NRK: variants seen among roughly 807,000 people sequenced by gnomAD.
NRK encodes the protein Nik related kinase, also known as nik-related protein kinase.
A neutral mutation model predicts 125.2 loss-of-function variants in NRK; 67 were observed. That is an observed-to-expected ratio of 0.54 (90% CI 0.44 to 0.66). The LOEUF is 0.66. Ranked by LOEUF, NRK falls within the 30% of genes least tolerant of loss-of-function variation. The probability of loss-of-function intolerance (pLI) is 0.00; values close to 1 mark genes in which losing one functional copy is unlikely to be tolerated. For synonymous variants in NRK, 458 were observed against 429.0 expected, an observed-to-expected ratio of 1.07 and a Z score of -0.84; for missense variants, 1,224 against 1,192.9, an observed-to-expected ratio of 1.03 and a Z score of -0.38.
Position 105,924,860 on chromosome X carries a change from A to C in NRK, c.3141A>C (p.Ala1047=). The part of the protein sequence containing the change: ...NAAIGDQEEH[A]ANIGSERRGS... ...CCATTGGAGATCAGGAAGAACATGC[A>C]GCCAATATAGGCAGTGAAAGAAGAG... The change falls in exon 19 of 29, where the codon GCA becomes GCC. Residue 1047 remains alanine, a synonymous_variant. Coordinates refer to ENST00000243300, the MANE Select transcript of NRK (RefSeq NM_198465.4). The C allele has an allele frequency of 8.3e-7, 1 of 1,211,250 alleles. No homozygotes were observed. The highest frequency in any genetic ancestry group is 1.1e-6 in the Non-Finnish European group (1 of 895,224).
intron 4 of NRK, among the ~76,000 whole-genome samples, chrX:105,883,036 C>T (rs993664990): frequency 5.4e-5 from 6 of 112,019 alleles, no homozygotes; most frequent in African/African-American, 9.7e-5. Context: ...CTTGACAAAA[C>T]GCAGGGTATT....
chrX:105,946,573 C>T (rs189702817), intron 26 of NRK, 109 bp downstream of exon 26: 37 of 557,469 alleles, frequency 6.6e-5, no homozygotes, highest in South Asian at 3.9e-4. Context: ...ATGTCTATAC[C>T]GGAACTGAGA....
intron 21 of NRK, among the ~76,000 whole-genome samples, chrX:105,936,052 T>C (rs1168997899): frequency 9.1e-6 from 1 of 110,386 alleles, no homozygotes; most frequent in East Asian, 2.8e-4. Flanking sequence ...TATAACCACA[T>C]TGGCAATGCT....
rs2040459785 is a variant in NRK at position 105,922,132 on chromosome X, C to G, written c.2610+71C>G. Reference sequence around the variant, plus strand: ...CCATTTATTTTGACTTACACATTCTCATATTCACTTGAGGGAAAGGTTAAA... The same window carrying G: ...CCATTTATTTTGACTTACACATTCTGATATTCACTTGAGGGAAAGGTTAAA... On this transcript the variant is annotated intron_variant, in intron 17 of 28. Transcript: ENST00000243300. 1.0e-5 allele frequency: 5 copies of G among 496,572 alleles called. No homozygotes were observed. The South Asian group carries it at 2.0e-4, about 19-fold the overall frequency. 40.9% of individuals were successfully genotyped at this position (496,572 alleles called of 1,213,427 possible). A position where few individuals can be genotyped will look rare whatever the true frequency, so the allele number is the denominator to read the frequency against.
intron 2 of NRK, among the ~76,000 whole-genome samples, chrX:105,869,559 T>C (rs2039716040): frequency 9.0e-6 from 1 of 111,684 alleles, no homozygotes; most frequent in East Asian, 2.8e-4. Context: ...CTTTGAGTAC[T>C]ACTAGTTACT....
At chrX:105,909,934 A>G in intron 13 of NRK, 52 bp downstream of exon 13, 1 of 1,013,416 alleles carries the variant, frequency 9.9e-7, no homozygotes. Context: ...AGAAAATGTG[A>G]TAGCTCATGC....
intron 2 of NRK, among the ~76,000 whole-genome samples, chrX:105,832,201 G>C (rs189521206): frequency 3.3e-4 from 37 of 111,280 alleles, no homozygotes; most frequent in Admixed American, 3.1e-3. Context: ...AAATGTCAGT[G>C]TTGATCTCCC....
intron 4 of NRK, among the ~76,000 whole-genome samples, chrX:105,882,866 A>C (rs2039901722): frequency 8.9e-6 from 1 of 112,119 alleles, no homozygotes; most frequent in Non-Finnish European, 1.9e-5. Flanking sequence ...AAATATGATT[A>C]TTTTATTAAT....
chrX:105,903,322 A>T (rs1047804545), intron 9 of NRK, among the ~76,000 whole-genome samples: 1 of 111,046 alleles, frequency 9.0e-6, no homozygotes, highest in African/African-American at 3.3e-5. Context: ...TATCCCTTGT[A>T]GTGTCACTCT....
At chrX:105,946,486 C>G in intron 26 of NRK, 22 bp downstream of exon 26, 1 of 1,113,939 alleles carries the variant, frequency 9.0e-7, no homozygotes. Context: ...CCTTCAGATT[C>G]CTAGAAATTA....
chrX:105,847,657 G>T (rs2039419627), intron 2 of NRK, among the ~76,000 whole-genome samples: 1 of 112,120 alleles, frequency 8.9e-6, no homozygotes, highest in Non-Finnish European at 1.9e-5. Flanking sequence ...TTTGACAAGA[G>T]CCCTGACCAG....
chrX:105,932,407 A>G lies in NRK; in HGVS notation c.3313-1851A>G, dbSNP rs918432234. 2.7e-5 allele frequency among the ~76,000 whole-genome samples: 3 copies of G among 112,354 alleles called. No individual in the cohort carries two copies. The Admixed American group carries it at 2.8e-4, about 11-fold the overall frequency. On this transcript the variant is annotated intron_variant, in intron 19 of 28. Coordinates refer to ENST00000243300, the MANE Select transcript of NRK (RefSeq NM_198465.4). The stretch of plus-strand genomic sequence containing the variant: ...TGCTTAACTTCTTGAGCAACTGATA[A>G]CATAAAATTTTAATTCAAGAAATAT...
intron 19 of NRK, among the ~76,000 whole-genome samples, chrX:105,927,329 G>T (rs776254806): frequency 9.0e-6 from 1 of 111,511 alleles, no homozygotes; most frequent in African/African-American, 3.2e-5. Flanking sequence ...TGCTGATTTT[G>T]TATCTTGCAA....
chrX:105,899,495 A>G (rs1046321119), intron 8 of NRK, among the ~76,000 whole-genome samples: 1 of 111,788 alleles, frequency 8.9e-6, no homozygotes, highest in Non-Finnish European at 1.9e-5. Context: ...CTGAGAGTCT[A>G]TTATGTTCGG....
intron 14 of NRK, among the ~76,000 whole-genome samples, chrX:105,914,276 A>G (rs1231863079): frequency 9.0e-6 from 1 of 110,996 alleles, no homozygotes; most frequent in Non-Finnish European, 1.9e-5. Context: ...TATAAGTACT[A>G]ACCACTGGCA....
At chrX:105,906,316 T>G (rs1474893712) in intron 10 of NRK, 98 bp from the exon 11 acceptor site, 9 of 415,001 alleles carry the variant, frequency 2.2e-5, no homozygotes, top group Non-Finnish European at 3.6e-5. Context: ...GGCAACTCTC[T>G]CCAAATATGA....
At chrX:105,888,157 TTGAGA>T (rs1329173477) in intron 4 of NRK, 132 bp from the exon 5 acceptor site, 1 of 464,531 alleles carries the variant, frequency 2.2e-6, no homozygotes, top group African/African-American at 2.6e-5. Context: ...ACCATTTTAG[TTGAGA>T]TTTTATTATA....
At chrX:105,832,346 T>A (rs1442916523) in intron 2 of NRK, among the ~76,000 whole-genome samples, 1 of 111,311 alleles carries the variant, frequency 9.0e-6, no homozygotes, top group Non-Finnish European at 1.9e-5. Context: ...AAGGGCTGGT[T>A]TGGGGATGGG....
At position 105,826,357 on chromosome X, in the gene NRK, T is replaced by C. The variant is rs771341603; in HGVS notation, c.57+3455T>C. ...TAGATAATATATAGTATATACATTATATATAATATATTATATATATTATCA... is the reference window on the plus strand; with the variant it reads ...TAGATAATATATAGTATATACATTACATATAATATATTATATATATTATCA... On this transcript the variant is annotated intron_variant, in intron 1 of 28. Transcript: ENST00000243300. Among the ~76,000 whole-genome samples, 14 of 83,289 alleles carry C rather than the reference T, an allele frequency of 1.7e-4. No individual in the cohort carries two copies. In the South Asian group the frequency reaches 5.6e-3, roughly 33 times the overall value. 72.3% of individuals were successfully genotyped at this position (83,289 alleles called of 115,157 possible). A position where few individuals can be genotyped will look rare whatever the true frequency, so the allele number is the denominator to read the frequency against.
Sources: allele counts gnomAD v4.1 joint callset (sites outside exome capture counted in the v4.1 genomes callset), GRCh38; gene constraint gnomAD v4.1.1; transcripts MANE v1.5; gene names NCBI Gene and HGNC (gene_info 2026-07-23, HGNC 2026-07-21).